Variants in CNTNAP4 observed in about 807,000 individuals in gnomAD.
The protein encoded by CNTNAP4 is contactin-associated protein-like 4.
In CNTNAP4, 98 loss-of-function variants were observed where a neutral mutation model predicts 148.4. The observed-to-expected ratio is 0.66, with a 90% CI of 0.56 to 0.78. The LOEUF (loss-of-function observed/expected upper bound fraction) is 0.78. CNTNAP4 is among the 30% of genes least tolerant of loss of function. The pLI, the probability that CNTNAP4 is intolerant of heterozygous loss-of-function variation, is 0.00. For missense variants in CNTNAP4, 1,935 were observed against 1,565.6 expected (o/e 1.24, Z -3.98); for synonymous variants, 730 against 565.1 (o/e 1.29, Z -4.14).
intron 13 of CNTNAP4, among the ~76,000 whole-genome samples, chr16:76,493,403 C>T (rs2082293961): frequency 1.3e-5 from 2 of 152,076 alleles, no homozygotes; most frequent in South Asian, 4.2e-4. Flanking sequence ...GAATGTTCTA[C>T]CATATCCACG....
chr16:76,399,766 G>A (rs965769071), intron 3 of CNTNAP4, among the ~76,000 whole-genome samples: 7 of 152,146 alleles, frequency 4.6e-5, no homozygotes, highest in Admixed American at 4.6e-4. Flanking sequence ...AAACTTTGAT[G>A]CATCTTTTGT....
At chr16:76,422,460 C>A (rs191545093) in intron 3 of CNTNAP4, among the ~76,000 whole-genome samples, 1 of 152,078 alleles carries the variant, frequency 6.6e-6, no homozygotes, top group South Asian at 2.1e-4. Flanking sequence ...CCCAGTTCAA[C>A]AATAACCTAA....
chr16:76,414,811 A>G (rs2078918899), intron 3 of CNTNAP4, among the ~76,000 whole-genome samples: 2 of 151,406 alleles, frequency 1.3e-5, no homozygotes, highest in Non-Finnish European at 3.0e-5. Context: ...TCGAAATATC[A>G]TTATCACTCT....
At chr16:76,481,712 A>G (rs1412282188) in intron 12 of CNTNAP4, among the ~76,000 whole-genome samples, 1 of 152,192 alleles carries the variant, frequency 6.6e-6, no homozygotes, top group East Asian at 1.9e-4. Flanking sequence ...TTATACATTG[A>G]GGCAGAGGGT....
chr16:76,449,865 G>A lies in CNTNAP4; in HGVS notation c.1071+7G>A, dbSNP rs190899881. 5.1e-3 allele frequency: 8,142 copies of A among 1,593,798 alleles called. 36 individuals carry two copies. Among genetic ancestry groups the A allele is most frequent in the Non-Finnish European group, 6.5e-3 (7,680 of 1,172,992 alleles). On this transcript the variant is annotated splice_region_variant and intron_variant, in intron 7 of 23. Transcript: ENST00000611870. ...ACCACAGATCATTGCTATGGTGAGA[G>A]TCTTTATGCGAAGACATTAGTAAAA...
chr16:76,495,601 A>G (rs926449333), intron 14 of CNTNAP4, among the ~76,000 whole-genome samples: 11 of 135,620 alleles, frequency 8.1e-5, no homozygotes, highest in Admixed American at 1.7e-4. Flanking sequence ...ATATTCCTCT[A>G]AGCAGAGAAG....
chr16:76,501,886 G>A (rs914828979), intron 15 of CNTNAP4, among the ~76,000 whole-genome samples: 5 of 151,970 alleles, frequency 3.3e-5, no homozygotes, highest in South Asian at 2.1e-4. Context: ...CCGGCTAAAC[G>A]GTGAAACCCC....
At chr16:76,538,617 G>C (rs927560612) in intron 19 of CNTNAP4, among the ~76,000 whole-genome samples, 1 of 151,832 alleles carries the variant, frequency 6.6e-6, no homozygotes, top group Non-Finnish European at 1.5e-5. Flanking sequence ...ATTGTTAGAA[G>C]CTCCTTGACT....
chr16:76,485,230 G>A (rs763916348), intron 12 of CNTNAP4, among the ~76,000 whole-genome samples: 6 of 152,070 alleles, frequency 3.9e-5, no homozygotes, highest in Non-Finnish European at 7.4e-5. Flanking sequence ...CATTTCTCCT[G>A]CCTCAGCCTC....
rs1555604334 is a variant in CNTNAP4 at position 76,551,404 on chromosome 16, A to ATAT, written c.3443-1879_3443-1878insTAT. On this transcript the variant is annotated intron_variant, in intron 21 of 23. Coordinates refer to ENST00000611870, the MANE Select transcript of CNTNAP4 (RefSeq NM_033401.5). ...CAGAGTGAGAGTCTGTTAAAAAAAA[A>ATAT]ATATATATATATATATATTAGAGCT... 5.9e-3 allele frequency among the ~76,000 whole-genome samples: 819 copies of ATAT among 139,476 alleles called. 4 individuals are homozygous for ATAT. The highest frequency in any genetic ancestry group is 0.029 in the East Asian group (143 of 4,872). The allele number at this position is 139,476 out of a possible 152,430, so 91.5% of individuals were successfully genotyped here.
chr16:76,418,726 G>A (rs62051244), intron 3 of CNTNAP4, among the ~76,000 whole-genome samples: 1 of 55,366 alleles, frequency 1.8e-5, no homozygotes, highest in Non-Finnish European at 5.2e-5. Flanking sequence ...TGCAGAGTGT[G>A]GGGTTTTTTT....
intron 4 of CNTNAP4, among the ~76,000 whole-genome samples, chr16:76,434,048 A>G (rs1358758710): frequency 1.3e-5 from 2 of 150,488 alleles, no homozygotes; most frequent in Non-Finnish European, 3.0e-5. Flanking sequence ...ATATATATGC[A>G]CACACACATA....
At chr16:76,319,998 A>G (rs1272039521) in intron 2 of CNTNAP4, among the ~76,000 whole-genome samples, 1 of 152,226 alleles carries the variant, frequency 6.6e-6, no homozygotes, top group Non-Finnish European at 1.5e-5. Flanking sequence ...ACCTTAAAAT[A>G]TGGAAGTGGC....
chr16:76,382,904 A>G (rs549733240), intron 3 of CNTNAP4, among the ~76,000 whole-genome samples: 53 of 152,362 alleles, frequency 3.5e-4, no homozygotes, highest in African/African-American at 1.2e-3. Context: ...AAAAGGACTC[A>G]GTGGTTAATT....
intron 13 of CNTNAP4, among the ~76,000 whole-genome samples, chr16:76,492,374 A>G (rs188511259): frequency 6.6e-6 from 1 of 152,336 alleles, no homozygotes; most frequent in Non-Finnish European, 1.5e-5. Flanking sequence ...AAATGTGTAC[A>G]ATTTTTATTT....
rs1306458759 is a variant in CNTNAP4 at position 76,522,017 on chromosome 16, T to C, written c.2537-22T>C. 2.5e-6 allele frequency: 4 copies of C among 1,610,812 alleles called. No homozygotes were observed. The South Asian group carries it at 4.4e-5, about 18-fold the overall frequency. On this transcript the variant is annotated intron_variant, in intron 16 of 23. Coordinates refer to ENST00000611870, the MANE Select transcript of CNTNAP4 (RefSeq NM_033401.5). ...TCGCCATAGGAACTCACTAGAACAA[T>C]CTTTATGTGTAATATTTCCAGCTCC... is the stretch of plus-strand genomic sequence containing the variant.
At chr16:76,330,689 T>C (rs937634045) in intron 2 of CNTNAP4, among the ~76,000 whole-genome samples, 6 of 152,270 alleles carry the variant, frequency 3.9e-5, no homozygotes, top group Non-Finnish European at 8.8e-5. Context: ...ATTTGTGTGC[T>C]ATTTCTTATA....
intron 1 of CNTNAP4, among the ~76,000 whole-genome samples, chr16:76,298,482 A>C (rs3851753): frequency 8.0e-6 from 1 of 125,698 alleles, no homozygotes; most frequent in African/African-American, 4.1e-5. Flanking sequence ...ATGTGTGTAC[A>C]TGTATGTGTG....
Position 76,489,855 on chromosome 16 carries a change from C to A in CNTNAP4, c.2052C>A (p.Cys684Ter). 6.4e-7 allele frequency: 1 copy of A among 1,574,224 alleles called. No homozygotes were observed. The highest frequency in any genetic ancestry group is 1.2e-5 in the South Asian group (1 of 85,268). ...GTGAACAGGAGTTTACTTATTACTG[C>A]AAGAAGTCACGGCTGGTCAATAAGC... ...EHCEQEFTYY[C>*]KKSRLVNKQD... Residue 684 changes from cysteine to a stop codon, truncating the protein, a stop_gained, in exon 13 of 24, where the codon TGC (cysteine) becomes TGA (stop). Transcript: ENST00000611870. LOFTEE classifies it high-confidence loss of function.
Sources: allele counts gnomAD v4.1 joint callset (sites outside exome capture counted in the v4.1 genomes callset), GRCh38; gene constraint gnomAD v4.1.1; transcripts MANE v1.5; gene names NCBI Gene and HGNC (gene_info 2026-07-23, HGNC 2026-07-21).